The following WIF1 variants were observed in gnomAD, a reference collection of about 807,000 sequenced individuals.
WIF1 encodes Wnt inhibitory factor 1.
A neutral mutation model predicts 53.5 loss-of-function variants in WIF1; 35 were observed. The ratio of observed to expected loss-of-function variants is 0.65; its 90% CI spans 0.50 to 0.87. The LOEUF is 0.87. Ranked by LOEUF, WIF1 falls within the 40% of genes least tolerant of loss-of-function variation. WIF1 has a pLI of 0.00. For missense variants in WIF1, 467 were observed against 476.8 expected, an observed-to-expected ratio of 0.98 and a Z score of 0.19; for synonymous variants, 171 against 170.4, an observed-to-expected ratio of 1.00 and a Z score of -0.03.
intron 2 of WIF1, among the ~76,000 whole-genome samples, chr12:65,116,400 C>A (rs116182037): frequency 6.6e-6 from 1 of 151,970 alleles, no homozygotes; most frequent in African/African-American, 2.4e-5. Flanking sequence ...TGTAAGGGAT[C>A]TAGGTTATGC....
intron 3 of WIF1, among the ~76,000 whole-genome samples, chr12:65,071,843 T>A (rs1017525321): frequency 1.2e-4 from 18 of 152,172 alleles, no homozygotes; most frequent in Admixed American, 3.9e-4. Flanking sequence ...ATAATTTCAA[T>A]GAATTATTAT....
intron 1 of WIF1, chr12:65,120,800 G>A (rs1314809467): frequency 3.8e-6 from 3 of 782,422 alleles, no homozygotes; most frequent in African/African-American, 1.8e-5. Context: ...AAAAAATGCC[G>A]GGTGCACCTA....
chr12:65,088,582 TA>T (rs1185821293), intron 2 of WIF1, among the ~76,000 whole-genome samples: 7 of 152,146 alleles, frequency 4.6e-5, no homozygotes, highest in African/African-American at 1.7e-4. Context: ...AAATTTCTCA[TA>T]AAAGGTTACT....
At chr12:65,085,408 TG>T (rs1258580381) in intron 2 of WIF1, among the ~76,000 whole-genome samples, 2 of 152,218 alleles carry the variant, frequency 1.3e-5, no homozygotes, top group Non-Finnish European at 2.9e-5. Context: ...TGAAGTCAGG[TG>T]TGGAATTTTC....
Position 65,064,299 on chromosome 12 carries a change from G to T in WIF1, c.731-1723C>A, listed in dbSNP as rs188414021. Among the ~76,000 whole-genome samples, 625 of 152,290 alleles carry T rather than the reference G, an allele frequency of 4.1e-3. 6 individuals carry two copies. The highest frequency in any genetic ancestry group is 3.3e-3 in the Non-Finnish European group (223 of 68,018). On this transcript the variant is annotated intron_variant, in intron 6 of 9. Coordinates refer to ENST00000286574, the MANE Select transcript of WIF1 (RefSeq NM_007191.5). The stretch of plus-strand genomic sequence containing the variant: ...CTTAGTACTTGTATGCTATTGTATT[G>T]TCATGAGCAAGCTTCTCTACATTTC...
chr12:65,056,366 CTTTTTTTTTTTTTTTTTTTTTT>C (rs10584146), intron 7 of WIF1, among the ~76,000 whole-genome samples: 11 of 24,260 alleles, frequency 4.5e-4, no homozygotes, highest in African/African-American at 1.3e-3. Context: ...CATTTATATC[CTTTTTTTTTTTTTTTTTTTTTT>C]TTTTTTTTTT....
At chr12:65,054,876 G>A (rs1882499635) in intron 9 of WIF1, among the ~76,000 whole-genome samples, 2 of 152,170 alleles carry the variant, frequency 1.3e-5, no homozygotes, top group Admixed American at 6.5e-5. Context: ...TTACAAAGAT[G>A]CATTACTCTT....
intron 2 of WIF1, among the ~76,000 whole-genome samples, chr12:65,104,837 T>C (rs1349688581): frequency 1.3e-5 from 2 of 152,164 alleles, no homozygotes; most frequent in Non-Finnish European, 2.9e-5. Context: ...CTTTTCTCAT[T>C]AGAGCATAAA....
Position 65,121,028 on chromosome 12 carries a change from G to A in WIF1, c.148+16C>T. 1 of 1,444,638 alleles carries A rather than the reference G, an allele frequency of 6.9e-7. No individual in the cohort carries two copies. The highest frequency in any genetic ancestry group is 1.4e-5 in the African/African-American group (1 of 69,032). The allele number at this position is 1,444,638 out of a possible 1,614,324, so 89.5% of individuals were successfully genotyped here. A position where few individuals can be genotyped will look rare whatever the true frequency, so the allele number is the denominator to read the frequency against. ...AGGACATAGGCAGGGGAAGGCGCTG[G>A]AGGCGGGGGCCTTACCTATGAGTAC... On this transcript the variant is annotated intron_variant, in intron 1 of 9. Coordinates refer to ENST00000286574, the MANE Select transcript of WIF1 (RefSeq NM_007191.5).
chr12:65,068,855 T>C lies in WIF1; in HGVS notation c.447A>G (p.Ala149=). Residue 149 remains alanine, a synonymous_variant, in exon 4 of 10, where the codon GCA becomes GCG. Transcript: ENST00000286574. ...PCLGKQDGVA[A]FEVDVIVMNS... is the part of the protein sequence containing the mutation. ...TCATAACAATCACATCCACTTCAAATGCTGCCACCCCATCCTGTTTTCCAA... is the reference window on the plus strand; with the variant it reads ...TCATAACAATCACATCCACTTCAAACGCTGCCACCCCATCCTGTTTTCCAA... 1.9e-6 allele frequency: 3 copies of C among 1,613,716 alleles called. No individual in the cohort carries two copies. The highest frequency in any genetic ancestry group is 1.7e-4 in the Middle Eastern group (1 of 6,060).
intron 2 of WIF1, among the ~76,000 whole-genome samples, chr12:65,090,277 A>T (rs1254569771): frequency 6.6e-6 from 1 of 152,100 alleles, no homozygotes; most frequent in Non-Finnish European, 1.5e-5. Context: ...CTAGAGTGAG[A>T]CCTGCTTGGC....
Position 65,109,827 on chromosome 12 carries a change from ATGAAGATTCAC to A in WIF1, c.288+10579_288+10589del, listed in dbSNP as rs528648049. Among the ~76,000 whole-genome samples, 221 of 152,326 alleles carry A rather than the reference ATGAAGATTCAC, an allele frequency of 1.5e-3. 2 individuals are homozygous for A. Among genetic ancestry groups the A allele is most frequent in the African/African-American group, 5.2e-3 (216 of 41,582 alleles). ...AAGAAATGCCTGTCTCAGGGTTACT[ATGAAGATTCAC>A]TGAAGATTCACTGTAAAGCACTTAG... On this transcript the variant is annotated intron_variant, in intron 2 of 9. Transcript: ENST00000286574.
At chr12:65,069,091 G>T (rs553277331) in intron 3 of WIF1, among the ~76,000 whole-genome samples, 187 bp from the exon 4 acceptor site, 1 of 152,304 alleles carries the variant, frequency 6.6e-6, no homozygotes, top group East Asian at 1.9e-4. Context: ...TGAGCATCAT[G>T]TCAGGTGAAG....
intron 7 of WIF1, among the ~76,000 whole-genome samples, chr12:65,059,689 TC>T (rs1592387387): frequency 6.6e-6 from 1 of 152,030 alleles, no homozygotes; most frequent in East Asian, 1.9e-4. Context: ...TTTGCTCTTG[TC>T]TCCTAGGCTG....
intron 2 of WIF1, among the ~76,000 whole-genome samples, chr12:65,118,059 G>A (rs1883539412): frequency 2.0e-5 from 3 of 152,156 alleles, no homozygotes; most frequent in African/African-American, 7.2e-5. Context: ...CTTCTATAAG[G>A]TCTTCAATCC....
chr12:65,052,792 T>C (rs1272111728), intron 9 of WIF1, among the ~76,000 whole-genome samples: 2 of 152,078 alleles, frequency 1.3e-5, no homozygotes, highest in Non-Finnish European at 2.9e-5. Context: ...GGGGTGCTGT[T>C]TGGAGGCTGG....
chr12:65,058,763 G>C (rs558715144), intron 7 of WIF1, among the ~76,000 whole-genome samples: 3 of 152,246 alleles, frequency 2.0e-5, no homozygotes, highest in South Asian at 4.1e-4. Context: ...AAGAGACTAA[G>C]CCCTGGCTGG....
intron 7 of WIF1, among the ~76,000 whole-genome samples, chr12:65,059,240 A>G (rs746170262): frequency 1.3e-5 from 2 of 152,228 alleles, no homozygotes; most frequent in Admixed American, 6.5e-5. Context: ...AATTTAAATT[A>G]TCAGTTTAAT....
chr12:65,051,585 C>A (rs1882442849), intron 9 of WIF1, 115 bp from the exon 10 acceptor site: 1 of 1,279,234 alleles, frequency 7.8e-7, no homozygotes, highest in Admixed American at 3.4e-5. Flanking sequence ...GAATGAAAAA[C>A]CGCAATGACC....
Sources: gnomAD v4.1 joint callset for allele counts (sites outside exome capture counted in the v4.1 genomes callset) on GRCh38, gnomAD v4.1.1 for gene constraint, MANE v1.5 for transcripts, NCBI Gene and HGNC (gene_info 2026-07-23, HGNC 2026-07-21) for gene names.